RBMS3: variants seen among roughly 807,000 people sequenced by gnomAD.
RBMS3 encodes the protein RNA binding motif single stranded interacting protein 3.
Under a neutral mutation model 66.8 loss-of-function variants are expected in RBMS3, and 27 were observed. The ratio of observed to expected loss-of-function variants is 0.40; its 90% CI spans 0.30 to 0.56. The LOEUF (loss-of-function observed/expected upper bound fraction) is 0.56. Among genes scored for constraint, RBMS3 ranks in the 20% least tolerant of loss-of-function variants. RBMS3 has a pLI of 0.40. For missense variants in RBMS3, 513 were observed against 549.5 expected, an observed-to-expected ratio of 0.93 and a Z score of 0.66; for synonymous variants, 188 against 183.0, an observed-to-expected ratio of 1.03 and a Z score of -0.22.
intron 4 of RBMS3, among the ~76,000 whole-genome samples, chr3:29,610,175 T>A (rs2149131937): frequency 6.6e-6 from 1 of 152,148 alleles, no homozygotes; most frequent in Non-Finnish European, 1.5e-5. Context: ...TGATGAAAGA[T>A]GATACAAGAT....
chr3:29,595,920 T>C (rs1463450), intron 4 of RBMS3, among the ~76,000 whole-genome samples: 43,378 of 152,086 alleles, frequency 0.29, 6,680 homozygotes, highest in African/African-American at 0.4. Context: ...GTGCTCTCTA[T>C]TGGCAGTTAG....
intron 6 of RBMS3, among the ~76,000 whole-genome samples, chr3:29,813,776 CTGTT>C (rs959672578): frequency 4.3e-4 from 65 of 152,110 alleles, no homozygotes; most frequent in African/African-American, 1.4e-3. Context: ...ATTTGGCTCT[CTGTT>C]TGTCTGTTGT....
intron 6 of RBMS3, among the ~76,000 whole-genome samples, chr3:29,790,162 A>G (rs937963268): frequency 5.3e-5 from 8 of 152,204 alleles, no homozygotes; most frequent in African/African-American, 1.9e-4. Context: ...CTGCACTGAC[A>G]TAGAGAAAAT....
chr3:29,732,803 C>G (rs1207165493), intron 4 of RBMS3, among the ~76,000 whole-genome samples: 1 of 151,952 alleles, frequency 6.6e-6, no homozygotes, highest in Non-Finnish European at 1.5e-5. Flanking sequence ...AATCTTGCTC[C>G]CTTGCATCCA....
intron 1 of RBMS3, among the ~76,000 whole-genome samples, chr3:29,292,402 G>A (rs1269575053): frequency 6.6e-6 from 1 of 151,692 alleles, no homozygotes; most frequent in African/African-American, 2.4e-5. Flanking sequence ...ACAAAGGGGT[G>A]AGTCTTACCA....
intron 4 of RBMS3, among the ~76,000 whole-genome samples, chr3:29,669,071 G>A (rs1361041051): frequency 6.6e-6 from 1 of 152,168 alleles, no homozygotes; most frequent in African/African-American, 2.4e-5. Context: ...GGGCTGAATG[G>A]AGGTGCCCCA....
At chr3:29,628,992 G>A (rs1030130599) in intron 4 of RBMS3, among the ~76,000 whole-genome samples, 39 of 151,992 alleles carry the variant, frequency 2.6e-4, no homozygotes, top group African/African-American at 8.9e-4. Context: ...ATGCTCTACC[G>A]ATGTCTCTGG....
intron 1 of RBMS3, among the ~76,000 whole-genome samples, chr3:29,385,737 T>C (rs1177970838): frequency 6.6e-6 from 1 of 152,174 alleles, no homozygotes. Context: ...TTTATTCATA[T>C]TTTGCCTCAG....
intron 6 of RBMS3, among the ~76,000 whole-genome samples, chr3:29,824,219 G>A (rs2058146171): frequency 6.6e-6 from 1 of 151,534 alleles, no homozygotes; most frequent in Non-Finnish European, 1.5e-5. Context: ...TGAGGGTGGA[G>A]CATGCATGAA....
chr3:29,323,286 T>G (rs2125495806), intron 1 of RBMS3, among the ~76,000 whole-genome samples: 1 of 152,306 alleles, frequency 6.6e-6, no homozygotes, highest in African/African-American at 2.4e-5. Context: ...TTAGCTTATT[T>G]TTTCACACAA....
At chr3:29,722,230 T>C (rs2053671069) in intron 4 of RBMS3, among the ~76,000 whole-genome samples, 1 of 152,158 alleles carries the variant, frequency 6.6e-6, no homozygotes, top group African/African-American at 2.4e-5. Context: ...ATTTTAAACT[T>C]GTAAAAATGT....
intron 1 of RBMS3, among the ~76,000 whole-genome samples, chr3:29,350,590 A>G (rs774056824): frequency 5.3e-5 from 8 of 152,120 alleles, no homozygotes; most frequent in Non-Finnish European, 1.0e-4. Context: ...AGATGGAGAG[A>G]ACTAAGCTCC....
chr3:29,836,092 A>G (rs1282303912), intron 6 of RBMS3, among the ~76,000 whole-genome samples: 1 of 152,056 alleles, frequency 6.6e-6, no homozygotes, highest in African/African-American at 2.4e-5. Flanking sequence ...GAATAGACCA[A>G]TAACAATTAC....
intron 1 of RBMS3, among the ~76,000 whole-genome samples, chr3:29,385,629 C>G (rs75572566): frequency 0.01 from 1,557 of 152,226 alleles, 20 homozygotes; most frequent in African/African-American, 0.036. Flanking sequence ...ACTACCTCTC[C>G]TTACTTGATT....
At chr3:29,603,729 T>C (rs1233455527) in intron 4 of RBMS3, among the ~76,000 whole-genome samples, 2 of 151,986 alleles carry the variant, frequency 1.3e-5, no homozygotes, top group Non-Finnish European at 2.9e-5. Context: ...CTGAGGAAAC[T>C]TATGGTTTAT....
At chr3:29,767,204 C>G (rs948538514) in intron 6 of RBMS3, 1 of 151,922 alleles carries the variant, frequency 6.6e-6, no homozygotes, top group Non-Finnish European at 1.5e-5. Context: ...AATGATACAC[C>G]ATGCGGAAAA....
intron 3 of RBMS3, among the ~76,000 whole-genome samples, chr3:29,559,733 G>C (rs1051069107): frequency 6.6e-6 from 1 of 151,788 alleles, no homozygotes; most frequent in African/African-American, 2.4e-5. Flanking sequence ...TGCATTTATT[G>C]AATGAATGAA....
At chr3:29,400,640 T>C (rs1421474669) in intron 1 of RBMS3, among the ~76,000 whole-genome samples, 1 of 151,788 alleles carries the variant, frequency 6.6e-6, no homozygotes, top group African/African-American at 2.4e-5. Flanking sequence ...CTGCAATCAA[T>C]TGGGAAAAGG....
At chr3:29,778,735 G>A (rs993118654) in intron 6 of RBMS3, among the ~76,000 whole-genome samples, 1 of 151,760 alleles carries the variant, frequency 6.6e-6, no homozygotes, top group Non-Finnish European at 1.5e-5. Flanking sequence ...GGTAAAATGG[G>A]AATAACTATA....
Sources: gnomAD v4.1 joint callset for allele counts (sites outside exome capture counted in the v4.1 genomes callset) on GRCh38, gnomAD v4.1.1 for gene constraint, MANE v1.5 for transcripts, NCBI Gene and HGNC (gene_info 2026-07-23, HGNC 2026-07-21) for gene names.